Variants in MPPED2 observed in about 807,000 individuals in gnomAD.
MPPED2 encodes the protein metallophosphoesterase domain containing 2, also known as metallophosphoesterase MPPED2.
Under a neutral mutation model 33.0 loss-of-function variants are expected in MPPED2, and 5 were observed. The ratio of observed to expected loss-of-function variants is 0.15; its 90% CI spans 0.08 to 0.32. MPPED2 has a LOEUF of 0.32. MPPED2 is among the 10% of genes least tolerant of loss of function. The pLI is 1.00. For missense variants in MPPED2, 275 were observed against 372.1 expected, an observed-to-expected ratio of 0.74 and a Z score of 2.15; for synonymous variants, 136 against 141.9, an observed-to-expected ratio of 0.96 and a Z score of 0.29.
At chr11:30,447,222 C>T (rs1304472179) in intron 4 of MPPED2, among the ~76,000 whole-genome samples, 1 of 152,188 alleles carries the variant, frequency 6.6e-6, no homozygotes, top group African/African-American at 2.4e-5. Flanking sequence ...TCCTAGGCTG[C>T]TGCTGCTGCA....
chr11:30,409,689 C>A (rs553338429), downstream of MPPED2, among the ~76,000 whole-genome samples: 19 of 152,312 alleles, frequency 1.2e-4, no homozygotes, highest in Admixed American at 5.2e-4. Flanking sequence ...GGGTGCACTG[C>A]AGATCCAAGA....
At chr11:30,407,774 G>A (rs919095664), downstream of MPPED2, among the ~76,000 whole-genome samples, 5 of 152,188 alleles carry the variant, frequency 3.3e-5, no homozygotes, top group Admixed American at 3.3e-4. Context: ...AGGAGGCTAA[G>A]GCAGGAGAAT....
chr11:30,532,130 G>A (rs992981103), intron 3 of MPPED2, among the ~76,000 whole-genome samples: 1 of 152,190 alleles, frequency 6.6e-6, no homozygotes, highest in Non-Finnish European at 1.5e-5. Flanking sequence ...TAATGCAGGG[G>A]TACAGCATCT....
At chr11:30,528,395 A>G (rs755209778) in intron 3 of MPPED2, among the ~76,000 whole-genome samples, 10 of 152,120 alleles carry the variant, frequency 6.6e-5, no homozygotes, top group Admixed American at 3.3e-4. Context: ...AGCTGGAGCT[A>G]TAGGCACACA....
intron 4 of MPPED2, among the ~76,000 whole-genome samples, chr11:30,440,130 G>C (rs1417998032): frequency 6.6e-6 from 1 of 152,150 alleles, no homozygotes; most frequent in Non-Finnish European, 1.5e-5. Flanking sequence ...AGGAGTTCAA[G>C]ACCAGCCTGG....
At chr11:30,453,978 G>A (rs1260196026) in intron 4 of MPPED2, among the ~76,000 whole-genome samples, 1 of 152,150 alleles carries the variant, frequency 6.6e-6, no homozygotes, top group Non-Finnish European at 1.5e-5. Flanking sequence ...TCTGGGGAGT[G>A]TCGTCTCTTT....
At chr11:30,551,273 C>T (rs1179553902) in intron 2 of MPPED2, among the ~76,000 whole-genome samples, 8 of 152,144 alleles carry the variant, frequency 5.3e-5, no homozygotes, top group Non-Finnish European at 1.0e-4. Flanking sequence ...CTTGAGAGAA[C>T]CCTATAAGGT....
chr11:30,554,593 A>G (rs1955877160), intron 2 of MPPED2, among the ~76,000 whole-genome samples: 1 of 30,348 alleles, frequency 3.3e-5, no homozygotes, highest in Non-Finnish European at 5.9e-5. Context: ...CAGGTTCAGG[A>G]GATTCTCGTG....
At chr11:30,386,018 C>T (rs1947699052) in exon 7 of MPPED2, 1 of 152,028 alleles carries the variant, frequency 6.6e-6, no homozygotes, top group Admixed American at 6.6e-5. Context: ...GGGCCAGGAC[C>T]CCTTCTTATT....
chr11:30,543,468 G>A (rs1188496445), intron 2 of MPPED2, among the ~76,000 whole-genome samples: 1 of 152,204 alleles, frequency 6.6e-6, no homozygotes, highest in African/African-American at 2.4e-5. Flanking sequence ...TAGCCACACA[G>A]TTTACACACC....
At chr11:30,517,494 T>G (rs1953598176) in intron 3 of MPPED2, among the ~76,000 whole-genome samples, 1 of 152,220 alleles carries the variant, frequency 6.6e-6, no homozygotes, top group Admixed American at 6.5e-5. Context: ...TACAAATGAA[T>G]GGACAGAACA....
intron 3 of MPPED2, among the ~76,000 whole-genome samples, chr11:30,516,528 C>T (rs573380045): frequency 1.3e-5 from 2 of 152,192 alleles, no homozygotes; most frequent in East Asian, 1.9e-4. Flanking sequence ...GCAGGAGGCA[C>T]GGCTTAGGAA....
chr11:30,428,058 T>C (rs1318925117), intron 4 of MPPED2, among the ~76,000 whole-genome samples: 1 of 152,172 alleles, frequency 6.6e-6, no homozygotes. Context: ...TGGGGACTTT[T>C]GCTCAGGAAG....
chr11:30,414,637 A>G (rs1431361404), intron 5 of MPPED2, among the ~76,000 whole-genome samples: 2 of 151,940 alleles, frequency 1.3e-5, no homozygotes, highest in African/African-American at 4.8e-5. Flanking sequence ...CATGAGCTCA[A>G]TGACATTTAT....
In MPPED2 at chr11:30,509,597, G is replaced by C. The variant is rs1393057972; in HGVS notation, c.311-14076C>G. Among the ~76,000 whole-genome samples, 3 of 152,272 alleles carry C rather than the reference G, an allele frequency of 2.0e-5. No homozygotes were observed. The East Asian group carries it at 5.8e-4, about 29-fold the overall frequency. Reference sequence around the variant, plus strand: ...TGAGCCTACTGCCTAGGCCCAAACAGGACACGTGTGTGCATCTTCTCAGGC... The same window carrying C: ...TGAGCCTACTGCCTAGGCCCAAACACGACACGTGTGTGCATCTTCTCAGGC... On this transcript the variant is annotated intron_variant, in intron 3 of 6. Transcript: ENST00000358117.
Position 30,522,158 on chromosome 11 carries a change from C to T in MPPED2, c.310+13836G>A, listed in dbSNP as rs199688079. On this transcript the variant is annotated intron_variant, in intron 3 of 6. Coordinates refer to ENST00000358117, the MANE Select transcript of MPPED2 (RefSeq NM_001584.3). ...TGCAGTGCATGATTCTGTATAGAAG[C>T]CTGGAATAGAAAAAAAAATGTCATA... is the stretch of plus-strand genomic sequence containing the variant. Among the ~76,000 whole-genome samples, 4 of 151,538 alleles carry T rather than the reference C, an allele frequency of 2.6e-5. No individual in the cohort carries two copies. In the East Asian group the frequency reaches 7.8e-4, roughly 29 times the overall value.
At chr11:30,479,559 GT>G (rs1189649750) in intron 4 of MPPED2, among the ~76,000 whole-genome samples, 2 of 151,994 alleles carry the variant, frequency 1.3e-5, no homozygotes, top group Non-Finnish European at 2.9e-5. Context: ...TTAAAATAGT[GT>G]AAGCAGAAAA....
At chr11:30,489,901 A>T (rs1468301332) in intron 4 of MPPED2, among the ~76,000 whole-genome samples, 2 of 129,076 alleles carry the variant, frequency 1.5e-5, no homozygotes, top group Admixed American at 1.7e-4. Context: ...CTGATCAATT[A>T]GTATGTGGAT....
intron 3 of MPPED2, among the ~76,000 whole-genome samples, chr11:30,512,955 C>T (rs992985020): frequency 2.0e-5 from 3 of 151,928 alleles, no homozygotes; most frequent in East Asian, 3.9e-4. Context: ...CCCAAGATCA[C>T]GCCACTGCAC....
Sources: gnomAD v4.1 joint callset for allele counts (sites outside exome capture counted in the v4.1 genomes callset) on GRCh38, gnomAD v4.1.1 for gene constraint, MANE v1.5 for transcripts, NCBI Gene and HGNC (gene_info 2026-07-23, HGNC 2026-07-21) for gene names.